TCERG1L: variants seen among roughly 807,000 people sequenced by gnomAD.
TCERG1L encodes transcription elongation regulator 1-like protein.
Under a neutral mutation model 56.3 loss-of-function variants are expected in TCERG1L, and 37 were observed. The ratio of observed to expected loss-of-function variants is 0.66; its 90% CI spans 0.51 to 0.87. The LOEUF (loss-of-function observed/expected upper bound fraction) is 0.87, where lower values mean the gene tolerates loss of function less well. Among genes scored for constraint, TCERG1L ranks in the 40% least tolerant of loss-of-function variants. The pLI, the probability that TCERG1L is intolerant of heterozygous loss-of-function variation, is 0.00. For missense variants in TCERG1L, 799 were observed against 774.2 expected, an observed-to-expected ratio of 1.03 and a Z score of -0.38; for synonymous variants, 324 against 326.3, an observed-to-expected ratio of 0.99 and a Z score of 0.08.
chr10:131,099,154 C>G (rs1168901683), intron 10 of TCERG1L, among the ~76,000 whole-genome samples: 1 of 152,184 alleles, frequency 6.6e-6, no homozygotes, highest in African/African-American at 2.4e-5. Flanking sequence ...AATGCTGCCC[C>G]AAACAGGAAA....
chr10:131,155,528 G>A (rs1845910191), intron 6 of TCERG1L, among the ~76,000 whole-genome samples: 1 of 152,324 alleles, frequency 6.6e-6, no homozygotes. Flanking sequence ...TGCCGGGAGA[G>A]CCTGTCTTTA....
chr10:131,112,212 T>A (rs1355974358), intron 9 of TCERG1L, among the ~76,000 whole-genome samples: 1 of 142,764 alleles, frequency 7.0e-6, no homozygotes, highest in Non-Finnish European at 1.6e-5. Context: ...GGCCGGGGGC[T>A]GAAGACTTGG....
At chr10:131,281,755 T>C (rs915402582) in intron 3 of TCERG1L, among the ~76,000 whole-genome samples, 1 of 144,506 alleles carries the variant, frequency 6.9e-6, no homozygotes, top group Non-Finnish European at 1.5e-5. Flanking sequence ...CCCATCACAA[T>C]TTGTATACCA....
chr10:131,303,662 C>G (rs143165643), intron 3 of TCERG1L, among the ~76,000 whole-genome samples: 13 of 152,174 alleles, frequency 8.5e-5, no homozygotes, highest in Non-Finnish European at 1.5e-4. Flanking sequence ...CTGTTACGAT[C>G]TGATTTTTAC....
chr10:131,134,255 T>TTAG, intron 8 of TCERG1L, 124 bp downstream of exon 8: 2 of 861,870 alleles, frequency 2.3e-6, no homozygotes. Flanking sequence ...CCTCTTACCA[T>TTAG]CTGTCTAGCG....
intron 4 of TCERG1L, among the ~76,000 whole-genome samples, chr10:131,213,226 C>T (rs1845635027): frequency 6.6e-6 from 1 of 152,164 alleles, no homozygotes; most frequent in African/African-American, 2.4e-5. Flanking sequence ...GCTCCTGGCA[C>T]ACGGGAAGAT....
At chr10:131,232,182 C>T (rs1458542189) in intron 4 of TCERG1L, among the ~76,000 whole-genome samples, 1 of 152,258 alleles carries the variant, frequency 6.6e-6, no homozygotes. Context: ...TTCATTCTCA[C>T]GCGCTGTCAT....
At chr10:131,129,787 G>A (rs1407723205) in intron 8 of TCERG1L, among the ~76,000 whole-genome samples, 1 of 152,216 alleles carries the variant, frequency 6.6e-6, no homozygotes, top group Non-Finnish European at 1.5e-5. Flanking sequence ...AATTCATCAA[G>A]AAAGGAGGTG....
At chr10:131,183,307 A>G (rs1845200269) in intron 4 of TCERG1L, among the ~76,000 whole-genome samples, 1 of 152,224 alleles carries the variant, frequency 6.6e-6, no homozygotes, top group Non-Finnish European at 1.5e-5. Context: ...AACTTTTAAA[A>G]TAATCAATCC....
intron 4 of TCERG1L, among the ~76,000 whole-genome samples, chr10:131,172,644 A>G (rs1458482670): frequency 3.3e-5 from 5 of 152,222 alleles, no homozygotes; most frequent in Admixed American, 3.3e-4. Context: ...AGACCAGCTC[A>G]CGCGAGCCTT....
chr10:131,275,247 A>G (rs577116013), intron 3 of TCERG1L, among the ~76,000 whole-genome samples: 1 of 152,320 alleles, frequency 6.6e-6, no homozygotes, highest in South Asian at 2.1e-4. Context: ...CCGCATGGGT[A>G]TGAACAAGCA....
At chr10:131,167,361 T>C (rs1025972283) in intron 4 of TCERG1L, among the ~76,000 whole-genome samples, 2 of 151,766 alleles carry the variant, frequency 1.3e-5, no homozygotes, top group African/African-American at 4.9e-5. Context: ...CCCAGGTGTG[T>C]GGATGTCTTG....
chr10:131,199,187 C>T (rs763123668), intron 4 of TCERG1L, among the ~76,000 whole-genome samples: 2 of 152,132 alleles, frequency 1.3e-5, no homozygotes, highest in Non-Finnish European at 2.9e-5. Flanking sequence ...AGCATCTGGC[C>T]GTGGCCTATC....
At chr10:131,146,743 G>C (rs571342868) in intron 6 of TCERG1L, 83 bp from the exon 7 acceptor site, 294 of 1,436,128 alleles carry the variant, frequency 2.0e-4, no homozygotes, top group Non-Finnish European at 2.5e-4. Flanking sequence ...CACTGAAAAA[G>C]CCCCTCAGGA....
At chr10:131,240,234 C>T (rs982098548) in intron 4 of TCERG1L, among the ~76,000 whole-genome samples, 2 of 152,252 alleles carry the variant, frequency 1.3e-5, no homozygotes, top group Non-Finnish European at 1.5e-5. Context: ...GTGGAGCAGG[C>T]GCTTGGCAGC....
chr10:131,278,056 G>A (rs995710828), intron 3 of TCERG1L, among the ~76,000 whole-genome samples: 2 of 152,178 alleles, frequency 1.3e-5, no homozygotes, highest in South Asian at 2.1e-4. Flanking sequence ...AGATGGAAGC[G>A]GAGGGAGGCA....
At chr10:131,248,071 C>T (rs1185559133) in intron 4 of TCERG1L, among the ~76,000 whole-genome samples, 1 of 151,964 alleles carries the variant, frequency 6.6e-6, no homozygotes, top group East Asian at 1.9e-4. Flanking sequence ...CACATACTCA[C>T]ATGACTCATA....
chr10:131,269,837 A>G (rs1589767642), intron 3 of TCERG1L, among the ~76,000 whole-genome samples: 1 of 152,334 alleles, frequency 6.6e-6, no homozygotes, highest in South Asian at 2.1e-4. Context: ...TTCAACTTGT[A>G]AAAACACACT....
At chr10:131,303,542 A>G (rs186024553) in intron 3 of TCERG1L, among the ~76,000 whole-genome samples, 1 of 152,176 alleles carries the variant, frequency 6.6e-6, no homozygotes, top group Admixed American at 6.5e-5. Flanking sequence ...TGTCAGATGG[A>G]TAGATTGCAA....
Sources: allele counts gnomAD v4.1 joint callset (sites outside exome capture counted in the v4.1 genomes callset), GRCh38; gene constraint gnomAD v4.1.1; transcripts MANE v1.5; gene names NCBI Gene and HGNC (gene_info 2026-07-23, HGNC 2026-07-21).